The following CIMIP1 variants were observed in gnomAD, a reference collection of about 807,000 sequenced individuals.
CIMIP1 encodes ciliary microtubule inner protein 1.
At chr20:58,154,687 T>C in the CIMIP1 span, among the ~76,000 whole-genome samples, 1 of 152,266 alleles carries the variant, frequency 6.6e-6, no homozygotes, top group African/African-American at 2.4e-5. Flanking sequence ...ATATTCTTTA[T>C]ATGTAATTAA....
the CIMIP1 span, among the ~76,000 whole-genome samples, chr20:58,159,604 C>G: frequency 6.6e-6 from 1 of 151,978 alleles, no homozygotes; most frequent in Non-Finnish European, 1.5e-5. Context: ...CTTTTTGCCC[C>G]TCTGCTGGGT....
chr20:58,152,376 T>C, the CIMIP1 span, among the ~76,000 whole-genome samples: 17 of 152,038 alleles, frequency 1.1e-4, no homozygotes, highest in African/African-American at 4.1e-4. Flanking sequence ...CTGGTCCAAA[T>C]TGGGTTCAGC....
At chr20:58,160,706 G>A in the CIMIP1 span, 179 of 1,614,054 alleles carry the variant, frequency 1.1e-4, 2 homozygotes, top group South Asian at 1.5e-3. Flanking sequence ...GGGCTTCATC[G>A]GCTGGAGATC....
the CIMIP1 span, among the ~76,000 whole-genome samples, chr20:58,154,569 T>C: frequency 2.6e-5 from 4 of 152,230 alleles, no homozygotes; most frequent in Non-Finnish European, 4.4e-5. Context: ...TTTGAAATTA[T>C]GCTGTTCTTA....
the CIMIP1 span, chr20:58,155,719 G>C: frequency 1.6e-6 from 1 of 641,610 alleles, no homozygotes; most frequent in South Asian, 2.1e-5. Context: ...CCAGGTCCAC[G>C]TCCTTCCCAA....
the CIMIP1 span, among the ~76,000 whole-genome samples, chr20:58,158,045 G>T: frequency 0.015 from 2,316 of 152,214 alleles, 51 homozygotes; most frequent in African/African-American, 0.051. Flanking sequence ...CTTTCCCTCT[G>T]CCACCAGGGC....
At chr20:58,160,849 G>A in the CIMIP1 span, 1 of 1,595,800 alleles carries the variant, frequency 6.3e-7, no homozygotes, top group Non-Finnish European at 8.5e-7. Context: ...GCCCAGGGGT[G>A]CTGCATATCG....
chr20:58,156,886 A>C, the CIMIP1 span, among the ~76,000 whole-genome samples: 2 of 152,148 alleles, frequency 1.3e-5, no homozygotes, highest in Admixed American at 1.3e-4. Flanking sequence ...GGAGGAGTTC[A>C]GCTGCAGCCT....
the CIMIP1 span, among the ~76,000 whole-genome samples, chr20:58,156,412 C>A: frequency 6.6e-6 from 1 of 151,662 alleles, no homozygotes; most frequent in Non-Finnish European, 1.5e-5. Flanking sequence ...TCAGGAACAG[C>A]AAGGCAAGGC....
the CIMIP1 span, among the ~76,000 whole-genome samples, chr20:58,153,099 G>C: frequency 2.0e-5 from 3 of 152,124 alleles, no homozygotes; most frequent in African/African-American, 7.2e-5. Context: ...GATTAGGGTG[G>C]GGCAAGTGAG....
At chr20:58,156,549 G>T in the CIMIP1 span, among the ~76,000 whole-genome samples, 8 of 152,118 alleles carry the variant, frequency 5.3e-5, no homozygotes, top group African/African-American at 1.9e-4. Context: ...TAGAGAAGCC[G>T]CTGGAGGGTT....
At chr20:58,158,154 G>T in the CIMIP1 span, among the ~76,000 whole-genome samples, 1 of 152,210 alleles carries the variant, frequency 6.6e-6, no homozygotes, top group South Asian at 2.1e-4. Context: ...ATGGGAAACA[G>T]GGAGGAACCA....
the CIMIP1 span, among the ~76,000 whole-genome samples, chr20:58,155,884 C>T: frequency 6.6e-6 from 1 of 152,214 alleles, no homozygotes; most frequent in South Asian, 2.1e-4. Context: ...AGGGCAGACC[C>T]AGGCAGGGAC....
chr20:58,153,551 C>T, the CIMIP1 span: 62 of 1,613,992 alleles, frequency 3.8e-5, 2 homozygotes, highest in South Asian at 5.8e-4. Context: ...CAGGAAATAC[C>T]GTCTGAAGGC....
At chr20:58,157,676 C>A in the CIMIP1 span, among the ~76,000 whole-genome samples, 1 of 152,126 alleles carries the variant, frequency 6.6e-6, no homozygotes, top group Admixed American at 6.5e-5. Context: ...GAGGTTGTAT[C>A]CGGCATGAGA....
At chr20:58,153,811 T>A in the CIMIP1 span, among the ~76,000 whole-genome samples, 1 of 152,174 alleles carries the variant, frequency 6.6e-6, no homozygotes, top group African/African-American at 2.4e-5. Context: ...GCCAGGCATG[T>A]TCTAGGTGCT....
chr20:58,160,609 C>A, the CIMIP1 span: 1 of 1,572,732 alleles, frequency 6.4e-7, no homozygotes, highest in Non-Finnish European at 8.7e-7. Context: ...ATGCTGGGTG[C>A]CTCGTGTCTC....
At chr20:58,157,123 T>G in the CIMIP1 span, among the ~76,000 whole-genome samples, 1 of 152,218 alleles carries the variant, frequency 6.6e-6, no homozygotes, top group African/African-American at 2.4e-5. Flanking sequence ...TTACCCATGA[T>G]TAACATTTTG....
the CIMIP1 span, chr20:58,153,409 C>G: frequency 1.5e-6 from 1 of 664,892 alleles, no homozygotes; most frequent in Non-Finnish European, 2.7e-6. Flanking sequence ...GAGGTTCTCA[C>G]GCTGTCTGGC....
Sources: allele counts gnomAD v4.1 joint callset (sites outside exome capture counted in the v4.1 genomes callset), GRCh38; gene constraint gnomAD v4.1.1; transcripts MANE v1.5; gene names NCBI Gene and HGNC (gene_info 2026-07-23, HGNC 2026-07-21).